MNAT1: variants seen among roughly 807,000 people sequenced by gnomAD.
MNAT1 encodes the protein CDK-activating kinase assembly factor MAT1.
Under a neutral mutation model 42.0 loss-of-function variants are expected in MNAT1, and 43 were observed. The ratio of observed to expected loss-of-function variants is 1.02; its 90% CI spans 0.80 to 1.32. MNAT1 has a LOEUF of 1.32. MNAT1 is among the 40% of genes most tolerant of loss of function. MNAT1 has a pLI of 0.00. For missense variants in MNAT1, 306 were observed against 350.4 expected (o/e 0.87, Z 1.01); for synonymous variants, 118 against 120.0 (o/e 0.98, Z 0.11).
chr14:60,910,137 G>T (rs2035314304), intron 7 of MNAT1, among the ~76,000 whole-genome samples: 1 of 152,144 alleles, frequency 6.6e-6, no homozygotes, highest in Non-Finnish European at 1.5e-5. Flanking sequence ...TCTGTGACTG[G>T]TGTATAAGAA....
chr14:60,749,486 G>A (rs2029982098), intron 1 of MNAT1, among the ~76,000 whole-genome samples: 1 of 152,040 alleles, frequency 6.6e-6, no homozygotes, highest in African/African-American at 2.4e-5. Flanking sequence ...GGAATCCTAG[G>A]TTCGCTACTT....
intron 7 of MNAT1, among the ~76,000 whole-genome samples, chr14:60,937,844 G>A (rs1363472754): frequency 1.3e-5 from 2 of 151,960 alleles, no homozygotes; most frequent in Non-Finnish European, 2.9e-5. Context: ...TCACAATATT[G>A]ATTCTTCCTA....
chr14:60,897,660 T>A (rs78586015), intron 7 of MNAT1, among the ~76,000 whole-genome samples: 3,646 of 152,282 alleles, frequency 0.024, 67 homozygotes, highest in Middle Eastern at 0.041. Flanking sequence ...GTGAATATTT[T>A]TACATGCATA....
chr14:60,961,941 T>C (rs2036601701), intron 7 of MNAT1, among the ~76,000 whole-genome samples: 1 of 152,190 alleles, frequency 6.6e-6, no homozygotes, highest in Non-Finnish European at 1.5e-5. Flanking sequence ...TTTTAAGGAA[T>C]ATTACCAAAG....
At chr14:60,810,378 C>T (rs1037984020) in intron 4 of MNAT1, among the ~76,000 whole-genome samples, 1 of 151,822 alleles carries the variant, frequency 6.6e-6, no homozygotes, top group Non-Finnish European at 1.5e-5. Context: ...CTTTGTTCTG[C>T]TTACTTTGAG....
intron 5 of MNAT1, among the ~76,000 whole-genome samples, chr14:60,813,381 C>T (rs1037767542): frequency 2.0e-5 from 3 of 152,130 alleles, no homozygotes; most frequent in Admixed American, 1.3e-4. Flanking sequence ...GAGTCCTTAC[C>T]GTGAATCTAG....
chr14:60,877,309 C>T (rs2034455197), intron 6 of MNAT1, among the ~76,000 whole-genome samples: 1 of 151,968 alleles, frequency 6.6e-6, no homozygotes, highest in Non-Finnish European at 1.5e-5. Flanking sequence ...ATTACAGTGT[C>T]AGAGGTGCCT....
At chr14:60,779,108 G>T (rs1341813114) in intron 1 of MNAT1, among the ~76,000 whole-genome samples, 3 of 152,094 alleles carry the variant, frequency 2.0e-5, no homozygotes, top group Non-Finnish European at 4.4e-5. Context: ...AATCACTAGG[G>T]AAGAAAAGGA....
In MNAT1 at chr14:60,752,561, A is replaced by T. The variant is rs113058598; in HGVS notation, c.89+17610A>T. Among the ~76,000 whole-genome samples, 81 of 151,756 alleles carry T rather than the reference A, an allele frequency of 5.3e-4. 1 individual carries two copies. Among genetic ancestry groups the T allele is most frequent in the African/African-American group, 1.9e-3 (78 of 41,356 alleles). The stretch of plus-strand genomic sequence containing the variant: ...TGCTGTGTAGTCTCAGCTGCTCTGG[A>T]GGCTGGGGTAGGAGGATTGCTTGAG... On this transcript the variant is annotated intron_variant, in intron 1 of 7. Coordinates refer to ENST00000261245, the MANE Select transcript of MNAT1 (RefSeq NM_002431.4).
At chr14:60,930,034 G>C (rs1051333652) in intron 7 of MNAT1, among the ~76,000 whole-genome samples, 3 of 151,764 alleles carry the variant, frequency 2.0e-5, no homozygotes, top group African/African-American at 4.8e-5. Flanking sequence ...ACATGCTTTG[G>C]TAAAGTAAAA....
In MNAT1 at chr14:60,908,253, A is replaced by G. The variant is rs190706726; in HGVS notation, c.809+28418A>G. ...TTTAAATTTTTTTATTGGAATAATT[A>G]TGTGTACAAAGTGCTATAAAAGGAA... On this transcript the variant is annotated intron_variant, in intron 7 of 7. Coordinates refer to ENST00000261245, the MANE Select transcript of MNAT1 (RefSeq NM_002431.4). Among the ~76,000 whole-genome samples, 16 of 152,308 alleles carry G rather than the reference A, an allele frequency of 1.1e-4. No individual in the cohort carries two copies. In the East Asian group the frequency reaches 1.5e-3, roughly 15 times the overall value.
intron 1 of MNAT1, among the ~76,000 whole-genome samples, chr14:60,788,340 A>G (rs2031715784): frequency 6.6e-6 from 1 of 152,210 alleles, no homozygotes; most frequent in African/African-American, 2.4e-5. Flanking sequence ...TAGATGCGCC[A>G]TCATTCAGGC....
At chr14:60,958,036 C>T (rs2036517301) in intron 7 of MNAT1, among the ~76,000 whole-genome samples, 1 of 152,088 alleles carries the variant, frequency 6.6e-6, no homozygotes, top group Non-Finnish European at 1.5e-5. Flanking sequence ...AAGGTTTCTC[C>T]ATGTTGGTCA....
At chr14:60,847,822 A>AATATT (rs997255775) in intron 6 of MNAT1, among the ~76,000 whole-genome samples, 1 of 152,206 alleles carries the variant, frequency 6.6e-6, no homozygotes, top group African/African-American at 2.4e-5. Context: ...TAATATGTAG[A>AATATT]ATATTTAATT....
At chr14:60,947,084 T>C (rs2036292020) in intron 7 of MNAT1, among the ~76,000 whole-genome samples, 1 of 152,204 alleles carries the variant, frequency 6.6e-6, no homozygotes, top group Admixed American at 6.5e-5. Flanking sequence ...AAAGACCCCA[T>C]TTCCAAATAC....
chr14:60,887,178 G>T (rs532195940), intron 7 of MNAT1, among the ~76,000 whole-genome samples: 25 of 150,168 alleles, frequency 1.7e-4, no homozygotes, highest in African/African-American at 4.2e-4. Flanking sequence ...CATTTTTTTT[G>T]TTGTTGTTGT....
intron 7 of MNAT1, among the ~76,000 whole-genome samples, chr14:60,942,867 C>G (rs974871741): frequency 6.6e-6 from 1 of 152,032 alleles, no homozygotes; most frequent in South Asian, 2.1e-4. Context: ...ACCTCACTGT[C>G]GCAGTGCTTT....
At chr14:60,838,659 C>T (rs187537241) in intron 6 of MNAT1, among the ~76,000 whole-genome samples, 19 of 152,232 alleles carry the variant, frequency 1.2e-4, no homozygotes, top group Non-Finnish European at 8.8e-5. Flanking sequence ...GTGGGAGTCC[C>T]GCCCCATTCT....
chr14:60,893,760 A>G (rs1201285285), intron 7 of MNAT1, among the ~76,000 whole-genome samples: 1 of 151,372 alleles, frequency 6.6e-6, no homozygotes, highest in Admixed American at 6.6e-5. Context: ...CTAGTTTTCA[A>G]CAGGCTCTGT....
Sources: gnomAD v4.1 joint callset for allele counts (sites outside exome capture counted in the v4.1 genomes callset) on GRCh38, gnomAD v4.1.1 for gene constraint, MANE v1.5 for transcripts, NCBI Gene and HGNC (gene_info 2026-07-23, HGNC 2026-07-21) for gene names.